ARHGAP44: variants seen among roughly 807,000 people sequenced by gnomAD.
The protein encoded by ARHGAP44 is Rho GTPase activating protein 44, also known as rho GTPase-activating protein 44.
In ARHGAP44, 43 loss-of-function variants were observed where a neutral mutation model predicts 106.8. That is an observed-to-expected ratio of 0.40 (90% CI 0.32 to 0.52). The LOEUF is 0.52. Ranked by LOEUF, ARHGAP44 falls within the 20% of genes least tolerant of loss-of-function variation. ARHGAP44 has a pLI of 0.48. For missense variants in ARHGAP44, 866 were observed against 1,050.5 expected, an observed-to-expected ratio of 0.82 and a Z score of 2.43; for synonymous variants, 439 against 410.3, an observed-to-expected ratio of 1.07 and a Z score of -0.85.
chr17:12,929,612 G>A (rs997739714), intron 7 of ARHGAP44, among the ~76,000 whole-genome samples: 2 of 152,140 alleles, frequency 1.3e-5, no homozygotes, highest in South Asian at 2.1e-4. Context: ...GATGTCCTTC[G>A]TTGTACTCAT....
chr17:12,814,960 T>C (rs576647246), intron 1 of ARHGAP44, among the ~76,000 whole-genome samples: 13 of 152,102 alleles, frequency 8.5e-5, no homozygotes, highest in African/African-American at 2.9e-4. Context: ...GTGAGGAAAC[T>C]GTTCAGTTTT....
intron 3 of ARHGAP44, among the ~76,000 whole-genome samples, chr17:12,906,285 C>T (rs1259945302): frequency 1.3e-5 from 2 of 152,156 alleles, no homozygotes; most frequent in Non-Finnish European, 2.9e-5. Context: ...CCAAGCAGTT[C>T]CCCAACTCTC....
rs1597916115 is a variant in ARHGAP44, at chr17:12,839,092, T to C, written c.53+49201T>C. Reference sequence around the variant, plus strand: ...CCCTCTTTGTGTCCTCTGAGAATTTTACTTACTGGAGTAACAGCAGGAAAA... The same window carrying C: ...CCCTCTTTGTGTCCTCTGAGAATTTCACTTACTGGAGTAACAGCAGGAAAA... On this transcript the variant is annotated intron_variant, in intron 1 of 20. Coordinates refer to ENST00000379672, the MANE Select transcript of ARHGAP44 (RefSeq NM_014859.6). 2.0e-5 allele frequency among the ~76,000 whole-genome samples: 3 copies of C among 152,324 alleles called. No homozygotes were observed. The East Asian group carries it at 5.8e-4, about 29-fold the overall frequency.
intron 1 of ARHGAP44, among the ~76,000 whole-genome samples, chr17:12,888,936 G>A (rs927348266): frequency 6.6e-6 from 1 of 151,994 alleles, no homozygotes; most frequent in Non-Finnish European, 1.5e-5. Flanking sequence ...CTTCCATTAT[G>A]TCTTTTCCAA....
In ARHGAP44 at chr17:12,973,320, G is replaced by T; in HGVS notation, c.1541+1G>T. ...CCTGCAGCCTTAGGAAAATCCAAAG[G>T]TATGGTATCCTCTGGTAGCTATGAG... On this transcript the variant is annotated splice_donor_variant, in intron 17 of 20. Coordinates refer to ENST00000379672, the MANE Select transcript of ARHGAP44 (RefSeq NM_014859.6). LOFTEE classifies it high-confidence loss of function. The T allele has an allele frequency of 6.2e-7, 1 of 1,608,454 alleles. No homozygotes were observed. The highest frequency in any genetic ancestry group is 8.5e-7 in the Non-Finnish European group (1 of 1,177,304).
intron 1 of ARHGAP44, among the ~76,000 whole-genome samples, chr17:12,852,017 T>C (rs189503216): frequency 2.0e-5 from 3 of 151,090 alleles, no homozygotes; most frequent in Non-Finnish European, 2.9e-5. Context: ...TAGGAATGAA[T>C]TGAGCTCCAC....
At chr17:12,929,100 A>G in intron 7 of ARHGAP44, 54 bp downstream of exon 7, 4 of 1,496,934 alleles carry the variant, frequency 2.7e-6, no homozygotes, top group South Asian at 1.2e-5. Flanking sequence ...GCCCTCAGGG[A>G]TTCCCTTTTT....
chr17:12,899,588 T>G (rs1193343664), intron 3 of ARHGAP44, among the ~76,000 whole-genome samples: 2 of 130,686 alleles, frequency 1.5e-5, no homozygotes, highest in Non-Finnish European at 3.2e-5. Context: ...AGAAATAAAA[T>G]GAAAAGGATC....
In ARHGAP44 at chr17:12,984,779, C is replaced by G. The variant is rs201731990; in HGVS notation, c.2188C>G (p.Pro730Ala). The stretch of plus-strand genomic sequence containing the variant: ...CACTTTGAGCAAATCGCGGCCCACT[C>G]CTAAGCCGCGACAGAGACCTACTCT... ...TSTLSKSRPT[P>A]KPRQRPTLPP... is the part of the protein sequence containing the mutation. The change falls in exon 20 of 21, where the codon CCT becomes GCT. Residue 730 changes from proline to alanine, a missense_variant. Transcript: ENST00000379672. 1 of 1,613,890 alleles carries G rather than the reference C, an allele frequency of 6.2e-7. No homozygotes were observed. Among genetic ancestry groups the G allele is most frequent in the Non-Finnish European group, 8.5e-7 (1 of 1,179,916 alleles).
chr17:12,952,376 C>T, intron 12 of ARHGAP44, 125 bp from the exon 13 acceptor site: 1 of 768,022 alleles, frequency 1.3e-6, no homozygotes, highest in Non-Finnish European at 2.1e-6. Context: ...TTTTTAAATA[C>T]TAGCTTGCTG....
At position 12,974,047 on chromosome 17, in the gene ARHGAP44, C is replaced by G. The variant is rs992603287; in HGVS notation, c.1542-42C>G. On this transcript the variant is annotated intron_variant, in intron 17 of 20. Transcript: ENST00000379672. ...GGGGAGGGAGCCTGTCTCCTGTCAT[C>G]TGTTACGCGTGGGTAAGCGGTGTCT... The G allele has an allele frequency of 4.6e-6, 7 of 1,537,098 alleles. No homozygotes were observed. In the African/African-American group the frequency reaches 9.6e-5, roughly 21 times the overall value.
chr17:12,904,957 A>G (rs1470392827), intron 3 of ARHGAP44, among the ~76,000 whole-genome samples: 1 of 152,124 alleles, frequency 6.6e-6, no homozygotes, highest in African/African-American at 2.4e-5. Context: ...GCTGAAGTGC[A>G]GTGGCACAAT....
In ARHGAP44 at chr17:12,949,121, C is replaced by T; in HGVS notation, c.862-19C>T. ...GTACCTTGGAGTTGCTGTGCGCTGACCCTCTGTCCTGTTGGTAGGGACTCT... is the reference window on the plus strand; with the variant it reads ...GTACCTTGGAGTTGCTGTGCGCTGATCCTCTGTCCTGTTGGTAGGGACTCT... On this transcript the variant is annotated intron_variant, in intron 10 of 20. Transcript: ENST00000379672. This position sits in a 1 kb window ranked among gnomAD's most constrained non-coding sequence, Gnocchi z 4.1. 6.4e-7 allele frequency: 1 copy of T among 1,555,102 alleles called. No homozygotes were observed. The highest frequency in any genetic ancestry group is 8.7e-7 in the Non-Finnish European group (1 of 1,148,866).
At position 12,831,109 on chromosome 17, in the gene ARHGAP44, T is replaced by A. The variant is rs76985203; in HGVS notation, c.53+41218T>A. 4.9e-3 allele frequency among the ~76,000 whole-genome samples: 750 copies of A among 152,352 alleles called. 26 individuals are homozygous for A. The East Asian group carries it at 0.07, about 14-fold the overall frequency. On this transcript the variant is annotated intron_variant, in intron 1 of 20. Transcript: ENST00000379672. ...ATTAAGTATTGAGTGTTTACTATGC[T>A]CCAGAACATGGTCCTAAGTTCATGC... is the stretch of plus-strand genomic sequence containing the variant.
At chr17:12,859,745 C>T (rs1333508269) in intron 1 of ARHGAP44, among the ~76,000 whole-genome samples, 3 of 152,176 alleles carry the variant, frequency 2.0e-5, no homozygotes, top group African/African-American at 7.2e-5. Context: ...ATTACATTCG[C>T]AGTCGCCAAG....
intron 18 of ARHGAP44, among the ~76,000 whole-genome samples, chr17:12,975,635 A>G (rs554272554): frequency 1.8e-4 from 28 of 151,734 alleles, no homozygotes; most frequent in Non-Finnish European, 4.0e-4. Flanking sequence ...CACCTCTACT[A>G]AAAATACAAA....
At chr17:12,865,783 A>G (rs1032393885) in intron 1 of ARHGAP44, among the ~76,000 whole-genome samples, 3 of 129,526 alleles carry the variant, frequency 2.3e-5, no homozygotes, top group African/African-American at 7.9e-5. Context: ...AGCGAGACTC[A>G]TCTCAAGAAA....
chr17:12,850,923 C>G (rs1421173164), intron 1 of ARHGAP44, among the ~76,000 whole-genome samples: 4 of 152,136 alleles, frequency 2.6e-5, no homozygotes, highest in Non-Finnish European at 5.9e-5. Context: ...AGGCTAGGAC[C>G]CACAAGAACA....
chr17:12,945,219 A>C (rs1351588038), intron 10 of ARHGAP44, among the ~76,000 whole-genome samples: 1 of 151,820 alleles, frequency 6.6e-6, no homozygotes, highest in East Asian at 2.0e-4. Flanking sequence ...TATGTTGGCC[A>C]GGCTAGTCTT....
Sources: allele counts gnomAD v4.1 joint callset (sites outside exome capture counted in the v4.1 genomes callset), GRCh38; gene constraint gnomAD v4.1.1; non-coding constraint Gnocchi (gnomAD v3.1); transcripts MANE v1.5; gene names NCBI Gene and HGNC (gene_info 2026-07-23, HGNC 2026-07-21).